Variants in STAC observed in about 807,000 individuals in gnomAD.
STAC encodes SH3 and cysteine rich domain.
Under a neutral mutation model 48.8 loss-of-function variants are expected in STAC, and 43 were observed. The observed-to-expected ratio is 0.88, with a 90% CI of 0.69 to 1.14. The LOEUF (loss-of-function observed/expected upper bound fraction) is 1.14, where lower values mean the gene tolerates loss of function less well. Among genes scored for constraint, STAC ranks in the 50% most tolerant of loss-of-function variants. STAC has a pLI of 0.00. For synonymous variants in STAC, 193 were observed against 179.5 expected (o/e 1.07, Z -0.60); for missense variants, 497 against 504.0 (o/e 0.99, Z 0.13).
chr3:36,451,694 T>A (rs1446068311), intron 2 of STAC, among the ~76,000 whole-genome samples: 3 of 152,230 alleles, frequency 2.0e-5, no homozygotes, highest in African/African-American at 4.8e-5. Context: ...CAGTGTTTAA[T>A]GATCAAATCA....
chr3:36,446,953 A>G (rs1421480304), intron 2 of STAC, among the ~76,000 whole-genome samples: 1 of 152,194 alleles, frequency 6.6e-6, no homozygotes, highest in Non-Finnish European at 1.5e-5. Flanking sequence ...AATAATGACA[A>G]TGTCTTAGGA....
intron 6 of STAC, among the ~76,000 whole-genome samples, chr3:36,493,996 A>C (rs979949290): frequency 2.7e-5 from 4 of 150,834 alleles, no homozygotes; most frequent in Non-Finnish European, 5.9e-5. Flanking sequence ...TAAAAATACA[A>C]AAAAAATTAG....
At chr3:36,395,026 GAT>G (rs3061956) in intron 1 of STAC, among the ~76,000 whole-genome samples, 82,668 of 148,106 alleles carry the variant, frequency 0.56, 24,074 homozygotes, top group African/African-American at 0.76. Context: ...AAGATATATA[GAT>G]ATATATATAT....
At position 36,415,348 on chromosome 3, in the gene STAC, T is replaced by C. The variant is rs149578436; in HGVS notation, c.112-28016T>C. Among the ~76,000 whole-genome samples the C allele has an allele frequency of 7.6e-3, 1,154 of 152,330 alleles. 6 individuals carry two copies. The highest frequency in any genetic ancestry group is 0.011 in the Non-Finnish European group (740 of 68,030). Reference sequence around the variant, plus strand: ...CAGCTTCCCAGCCACTATGTTTACCTACTCAAGCCTCAGCAATGGCAGGCG... The same window carrying C: ...CAGCTTCCCAGCCACTATGTTTACCCACTCAAGCCTCAGCAATGGCAGGCG... On this transcript the variant is annotated intron_variant, in intron 1 of 10. Transcript: ENST00000273183.
intron 6 of STAC, among the ~76,000 whole-genome samples, chr3:36,500,450 A>G (rs1698256307): frequency 6.6e-6 from 1 of 152,150 alleles, no homozygotes; most frequent in Admixed American, 6.5e-5. Context: ...CGTCAGGCGA[A>G]GGAGGTAGGG....
intron 1 of STAC, among the ~76,000 whole-genome samples, chr3:36,418,061 C>T (rs1700359369): frequency 6.6e-6 from 1 of 151,888 alleles, no homozygotes; most frequent in Non-Finnish European, 1.5e-5. Context: ...ATTTTCTTTT[C>T]CTATTGATTA....
At chr3:36,411,006 C>T (rs1202769083) in intron 1 of STAC, among the ~76,000 whole-genome samples, 1 of 152,162 alleles carries the variant, frequency 6.6e-6, no homozygotes, top group Non-Finnish European at 1.5e-5. Flanking sequence ...ATATCTATCC[C>T]CTTCATGTAT....
intron 2 of STAC, among the ~76,000 whole-genome samples, chr3:36,476,535 G>A (rs1457355646): frequency 6.6e-6 from 1 of 152,198 alleles, no homozygotes; most frequent in Non-Finnish European, 1.5e-5. Flanking sequence ...TGTTGAAAAT[G>A]AAGCAAGGAA....
rs554461101 is a variant in STAC at position 36,467,184 on chromosome 3, G to T, written c.389-15808G>T. On this transcript the variant is annotated intron_variant, in intron 2 of 10. Coordinates refer to ENST00000273183, the MANE Select transcript of STAC (RefSeq NM_003149.3). ...TATGTTAAACCATCCCTGCATCCCTGGTATGAAACCTACTTGATCATGGTA... is the reference window on the plus strand; with the variant it reads ...TATGTTAAACCATCCCTGCATCCCTTGTATGAAACCTACTTGATCATGGTA... Among the ~76,000 whole-genome samples, 45 of 151,938 alleles carry T rather than the reference G, an allele frequency of 3.0e-4. No individual in the cohort carries two copies. In the South Asian group the frequency reaches 8.4e-3, roughly 28 times the overall value.
intron 1 of STAC, among the ~76,000 whole-genome samples, chr3:36,413,061 C>A (rs1309375153): frequency 1.3e-5 from 2 of 152,112 alleles, no homozygotes; most frequent in East Asian, 1.9e-4. Flanking sequence ...AATTTCTGTT[C>A]TTTTACATTT....
intron 8 of STAC, among the ~76,000 whole-genome samples, chr3:36,506,739 G>A (rs1210014597): frequency 1.3e-5 from 2 of 151,986 alleles, no homozygotes; most frequent in Admixed American, 6.6e-5. Flanking sequence ...TATTACTGGT[G>A]TATAGGAATG....
At chr3:36,444,076 T>G (rs1465466352) in intron 2 of STAC, among the ~76,000 whole-genome samples, 2 of 152,088 alleles carry the variant, frequency 1.3e-5, no homozygotes, top group Admixed American at 1.3e-4. Flanking sequence ...GAAGTCAGGG[T>G]TCTGCAGTTC....
At chr3:36,385,683 G>GTAAA (rs1575167755) in intron 1 of STAC, among the ~76,000 whole-genome samples, 1 of 151,980 alleles carries the variant, frequency 6.6e-6, no homozygotes, top group East Asian at 1.9e-4. Flanking sequence ...CCTCCTAAAG[G>GTAAA]TAAATAGTAT....
intron 1 of STAC, among the ~76,000 whole-genome samples, chr3:36,424,026 A>G (rs1008253082): frequency 6.6e-6 from 1 of 152,110 alleles, no homozygotes; most frequent in East Asian, 1.9e-4. Flanking sequence ...CCTCTCCCCA[A>G]ATGAGTGAAA....
chr3:36,448,410 C>G (rs890512139), intron 2 of STAC, among the ~76,000 whole-genome samples: 1 of 151,750 alleles, frequency 6.6e-6, no homozygotes, highest in African/African-American at 2.4e-5. Flanking sequence ...TTAGTAGAGA[C>G]GGGGTTTCGC....
intron 8 of STAC, among the ~76,000 whole-genome samples, chr3:36,506,811 AAGG>A (rs1254535430): frequency 6.6e-6 from 1 of 152,168 alleles, no homozygotes; most frequent in Admixed American, 6.5e-5. Context: ...CTATCAGCTT[AAGG>A]AGATTTTGGG....
At chr3:36,442,116 G>C (rs944706109) in intron 1 of STAC, among the ~76,000 whole-genome samples, 2 of 152,172 alleles carry the variant, frequency 1.3e-5, no homozygotes, top group African/African-American at 4.8e-5. Flanking sequence ...GCCTGGATCT[G>C]CATGATCCAT....
chr3:36,515,597 C>T (rs894390781), intron 8 of STAC, among the ~76,000 whole-genome samples: 3 of 152,186 alleles, frequency 2.0e-5, no homozygotes, highest in East Asian at 1.9e-4. Flanking sequence ...CAAGTGAAAG[C>T]GGGTAGAGGA....
chr3:36,512,041 C>G (rs147324143), intron 8 of STAC, among the ~76,000 whole-genome samples: 1 of 152,162 alleles, frequency 6.6e-6, no homozygotes, highest in African/African-American at 2.4e-5. Flanking sequence ...AGGTTGAGAT[C>G]TGCTGCCAGG....
Sources: allele counts gnomAD v4.1 joint callset (sites outside exome capture counted in the v4.1 genomes callset), GRCh38; gene constraint gnomAD v4.1.1; transcripts MANE v1.5; gene names NCBI Gene and HGNC (gene_info 2026-07-23, HGNC 2026-07-21).